Variants in RMST observed in about 807,000 individuals in gnomAD.
RMST encodes rhabdomyosarcoma 2 associated transcript, also known as long intergenic non-protein coding RNA 54.
At chr12:97,486,613 A>G (rs1565920354) in intron 5 of RMST, among the ~76,000 whole-genome samples, 1 of 152,226 alleles carries the variant, frequency 6.6e-6, no homozygotes, top group Non-Finnish European at 1.5e-5. Flanking sequence ...GGAATATTAA[A>G]TAGAAATGGC....
At chr12:97,540,110 G>A (rs1463771959) in intron 11 of RMST, among the ~76,000 whole-genome samples, 2 of 151,672 alleles carry the variant, frequency 1.3e-5, no homozygotes, top group Non-Finnish European at 3.0e-5. Flanking sequence ...CCAAAGGATA[G>A]ATTGTAGGCG....
intron 11 of RMST, among the ~76,000 whole-genome samples, chr12:97,557,434 CAAAT>C (rs1276136508): frequency 6.6e-6 from 1 of 152,076 alleles, no homozygotes; most frequent in Non-Finnish European, 1.5e-5. Flanking sequence ...ACTCTGAAAA[CAAAT>C]AGAGTCTATT....
chr12:97,475,673 G>C (rs984052479), intron 5 of RMST, among the ~76,000 whole-genome samples: 1 of 150,308 alleles, frequency 6.7e-6, no homozygotes, highest in African/African-American at 2.5e-5. Flanking sequence ...CACTTTACAG[G>C]TTACTATACA....
At chr12:97,483,218 G>A (rs1030095960) in intron 5 of RMST, among the ~76,000 whole-genome samples, 2 of 152,148 alleles carry the variant, frequency 1.3e-5, no homozygotes, top group Non-Finnish European at 2.9e-5. Context: ...GATGGTGAAA[G>A]TGGGATGTGC....
At chr12:97,557,853 A>G (rs1883818880) in intron 11 of RMST, among the ~76,000 whole-genome samples, 1 of 152,112 alleles carries the variant, frequency 6.6e-6, no homozygotes, top group Non-Finnish European at 1.5e-5. Context: ...GACAACTACT[A>G]CTTACCGGAT....
At chr12:97,492,796 C>T (rs2136454680) in intron 6 of RMST, 1 of 152,208 alleles carries the variant, frequency 6.6e-6, no homozygotes, top group South Asian at 2.1e-4. Flanking sequence ...CTTGAAGGTC[C>T]TCTATCTCAT....
chr12:97,522,555 C>G (rs11109094), intron 10 of RMST, among the ~76,000 whole-genome samples: 3,276 of 152,222 alleles, frequency 0.022, 76 homozygotes, highest in East Asian at 0.08. Context: ...ATTTCAGAGA[C>G]TCAACCTTGG....
intron 10 of RMST, among the ~76,000 whole-genome samples, chr12:97,501,183 A>G (rs570140221): frequency 2.6e-5 from 4 of 152,320 alleles, no homozygotes; most frequent in Admixed American, 1.3e-4. Context: ...TCTTGTAGGC[A>G]TGGATTTAAT....
At chr12:97,561,593 T>G (rs1174362423) in intron 13 of RMST, among the ~76,000 whole-genome samples, 3 of 143,744 alleles carry the variant, frequency 2.1e-5, no homozygotes, top group Admixed American at 6.9e-5. Context: ...ATGATTCAAA[T>G]TAAACATCAC....
intron 11 of RMST, among the ~76,000 whole-genome samples, chr12:97,547,681 C>T (rs578251348): frequency 7.0e-4 from 106 of 152,152 alleles, no homozygotes; most frequent in Admixed American, 1.2e-3. Flanking sequence ...GTTGGCCATT[C>T]GTCTGTCTTC....
intron 11 of RMST, among the ~76,000 whole-genome samples, chr12:97,555,989 C>G (rs1488987353): frequency 6.6e-6 from 1 of 152,198 alleles, no homozygotes; most frequent in Non-Finnish European, 1.5e-5. Flanking sequence ...TTTCTTCCCC[C>G]TTCTCAGGTT....
intron 10 of RMST, among the ~76,000 whole-genome samples, chr12:97,506,675 G>GTTT (rs780505590): frequency 2.2e-3 from 171 of 76,870 alleles, no homozygotes; most frequent in Non-Finnish European, 2.6e-3. Flanking sequence ...AGGGTAATCT[G>GTTT]TTTTTTTTTT....
intron 4 of RMST, among the ~76,000 whole-genome samples, chr12:97,464,527 T>C (rs1872947934): frequency 6.6e-6 from 1 of 152,184 alleles, no homozygotes; most frequent in Non-Finnish European, 1.5e-5. Flanking sequence ...GGGATGAATG[T>C]TATTTATTTG....
At chr12:97,532,436 A>G (rs753106114) in intron 11 of RMST, among the ~76,000 whole-genome samples, 3 of 151,900 alleles carry the variant, frequency 2.0e-5, no homozygotes, top group Non-Finnish European at 4.4e-5. Flanking sequence ...AAGTAGGTGA[A>G]TAGAAATAAG....
chr12:97,542,718 T>G (rs1164821641), intron 11 of RMST, among the ~76,000 whole-genome samples: 1 of 151,946 alleles, frequency 6.6e-6, no homozygotes, highest in East Asian at 1.9e-4. Flanking sequence ...ATGGGGTTGT[T>G]GCCTTTTCAG....
chr12:97,475,593 T>TTG (rs1874457061), intron 5 of RMST, among the ~76,000 whole-genome samples: 1 of 151,584 alleles, frequency 6.6e-6, no homozygotes, highest in Non-Finnish European at 1.5e-5. Flanking sequence ...TTTTGTTTTT[T>TTG]TTTTTTACCA....
chr12:97,465,803 G>C (rs969483026), intron 5 of RMST: 10 of 152,096 alleles, frequency 6.6e-5, no homozygotes, highest in South Asian at 4.2e-4. Context: ...TTGGAAAACT[G>C]CTCTCTAATT....
intron 11 of RMST, among the ~76,000 whole-genome samples, chr12:97,547,789 A>G (rs1883044830): frequency 6.6e-6 from 1 of 152,230 alleles, no homozygotes; most frequent in East Asian, 1.9e-4. Context: ...TATTTTGGAT[A>G]TTAGCCCCTT....
intron 10 of RMST, among the ~76,000 whole-genome samples, chr12:97,507,274 GTC>G (rs1878798914): frequency 1.6e-5 from 2 of 123,946 alleles, no homozygotes; most frequent in Non-Finnish European, 1.6e-5. Flanking sequence ...TTTTGTTTTT[GTC>G]TTTTTTTTTT....
Sources: gnomAD v4.1 joint callset for allele counts (sites outside exome capture counted in the v4.1 genomes callset) on GRCh38, gnomAD v4.1.1 for gene constraint, MANE v1.5 for transcripts, NCBI Gene and HGNC (gene_info 2026-07-23, HGNC 2026-07-21) for gene names.